CDPF1: variants seen among roughly 807,000 people sequenced by gnomAD.
The protein encoded by CDPF1 is cysteine-rich DPF motif domain-containing protein 1.
In CDPF1, 8 loss-of-function variants were observed where a neutral mutation model predicts 8.3. That is an observed-to-expected ratio of 0.96 (90% CI 0.57 to 1.74). The LOEUF is 1.74. CDPF1 is among the 40% of genes most tolerant of loss of function. The probability of loss-of-function intolerance (pLI) is 0.00; values close to 1 mark genes in which losing one functional copy is unlikely to be tolerated. For synonymous variants in CDPF1, 62 were observed against 62.9 expected, an observed-to-expected ratio of 0.99 and a Z score of 0.07; for missense variants, 151 against 155.3, an observed-to-expected ratio of 0.97 and a Z score of 0.15.
In CDPF1 at chr22:46,249,215, C is replaced by T. The variant is rs963875818; in HGVS notation, c.1-931G>A. 2.0e-5 allele frequency among the ~76,000 whole-genome samples: 3 copies of T among 152,122 alleles called. No individual in the cohort carries two copies. Among genetic ancestry groups the T allele is most frequent in the African/African-American group, 4.8e-5 (2 of 41,408 alleles). The stretch of plus-strand genomic sequence containing the variant: ...ACTATGGAATCAAGTACGACATTAT[C>T]AGCTGGCCCCTAGCTCTTGGCTGTG... On this transcript the variant is annotated intron_variant, in intron 1 of 3. Coordinates refer to ENST00000314567, the MANE Select transcript of CDPF1 (RefSeq NM_207327.5). This position sits in a 1 kb window ranked among gnomAD's most constrained non-coding sequence, Gnocchi z 4.6.
rs1025236257 is a variant in CDPF1, at chr22:46,249,826, G to A, written c.-1+430C>T. Among the ~76,000 whole-genome samples the A allele has an allele frequency of 3.3e-5, 5 of 152,198 alleles. No homozygotes were observed. Among genetic ancestry groups the A allele is most frequent in the Non-Finnish European group, 1.5e-5 (1 of 68,040 alleles). On this transcript the variant is annotated intron_variant, in intron 1 of 3. Coordinates refer to ENST00000314567, the MANE Select transcript of CDPF1 (RefSeq NM_207327.5). This position sits in a 1 kb window ranked among gnomAD's most constrained non-coding sequence, Gnocchi z 4.6. Reference sequence around the variant, plus strand: ...GCCGAGATCGCGCCACTGCATTCCAGCCTGGGCGACAGAGCGAGACTCTGT... The same window carrying A: ...GCCGAGATCGCGCCACTGCATTCCAACCTGGGCGACAGAGCGAGACTCTGT...
At position 46,249,201 on chromosome 22, in the gene CDPF1, A is replaced by C. The variant is rs1936538493; in HGVS notation, c.1-917T>G. ...CAGCTCCTTCTTTGACTATGGAATC[A>C]AGTACGACATTATCAGCTGGCCCCT... On this transcript the variant is annotated intron_variant, in intron 1 of 3. Transcript: ENST00000314567. The surrounding 1 kb of genome is among the most constrained non-coding windows in gnomAD (Gnocchi z 4.6). 1.3e-5 allele frequency among the ~76,000 whole-genome samples: 2 copies of C among 152,270 alleles called. No individual in the cohort carries two copies. The highest frequency in any genetic ancestry group is 4.1e-4 in the South Asian group (2 of 4,820).
Position 46,245,320 on chromosome 22 carries a change from C to A in CDPF1, c.226-82G>T. On this transcript the variant is annotated intron_variant, in intron 3 of 3. Coordinates refer to ENST00000314567, the MANE Select transcript of CDPF1 (RefSeq NM_207327.5). The surrounding 1 kb of genome is among the most constrained non-coding windows in gnomAD (Gnocchi z 6.9). ...CTCCCAGGGGCCAGCCCTTCCCACA[C>A]TTGGGGGGCTGGGCTGGGGCCCCAG... The A allele has an allele frequency of 6.6e-7, 1 of 1,508,040 alleles. No individual in the cohort carries two copies. The highest frequency in any genetic ancestry group is 9.0e-7 in the Non-Finnish European group (1 of 1,108,542). 93.4% of individuals were successfully genotyped at this position (1,508,040 alleles called of 1,614,324 possible). A position where few individuals can be genotyped will look rare whatever the true frequency, so the allele number is the denominator to read the frequency against.
rs9627281 is a variant in CDPF1 at position 46,248,271 on chromosome 22, A to G, written c.14T>C (p.Val5Ala). MASH[V>A]ECRPLGVFEC... ...AAACACTCCCAGAGGACGGCACTCT[A>G]CATGGGACGCCATCTGCAAGATCAA... Residue 5 changes from valine (V) to alanine (A), a missense_variant, in exon 2 of 4, where the codon GTA (valine) becomes GCA (alanine). Coordinates refer to ENST00000314567, the MANE Select transcript of CDPF1 (RefSeq NM_207327.5). This position sits in a 1 kb window ranked among gnomAD's most constrained non-coding sequence, Gnocchi z 4.1. 309,365 of 1,607,566 alleles carry G rather than the reference A, an allele frequency of 0.19. 41,917 individuals carry two copies. The highest frequency in any genetic ancestry group is 0.7 in the African/African-American group (52,127 of 74,760).
chr22:46,249,685 T>C lies in CDPF1; in HGVS notation c.-1+571A>G, dbSNP rs1936546666. On this transcript the variant is annotated intron_variant, in intron 1 of 3. Coordinates refer to ENST00000314567, the MANE Select transcript of CDPF1 (RefSeq NM_207327.5). The surrounding 1 kb of genome is among the most constrained non-coding windows in gnomAD (Gnocchi z 4.6). The stretch of plus-strand genomic sequence containing the variant: ...AATTAAAATTAAATAAAATAAAATA[T>C]TAGCCGGGCGTGGGGGCGGGCGCCT... Among the ~76,000 whole-genome samples the C allele has an allele frequency of 6.8e-6, 1 of 148,094 alleles. No individual in the cohort carries two copies. The highest frequency in any genetic ancestry group is 2.5e-5 in the African/African-American group (1 of 39,728).
rs1936553214 is a variant in CDPF1 at position 46,249,991 on chromosome 22, G to A, written c.-1+265C>T. Among the ~76,000 whole-genome samples, 1 of 152,244 alleles carries A rather than the reference G, an allele frequency of 6.6e-6. No individual in the cohort carries two copies. On this transcript the variant is annotated intron_variant, in intron 1 of 3. Transcript: ENST00000314567. The surrounding 1 kb of genome is among the most constrained non-coding windows in gnomAD (Gnocchi z 4.6). ...ACAGGGACGGCTGAGAGGGTCCGGG[G>A]ATGCTGGTGGTCCCCGCGAGCCTCC... is the stretch of plus-strand genomic sequence containing the variant.
rs868142418 is a variant in CDPF1 at position 46,250,259 on chromosome 22, C to A, written c.-4G>T. ...CACTCTGCCACCTCGAACTCACCGCCGCCCTCGTCCCACGGCTCCGCGTCC... is the reference window on the plus strand; with the variant it reads ...CACTCTGCCACCTCGAACTCACCGCAGCCCTCGTCCCACGGCTCCGCGTCC... On this transcript the variant is annotated 5_prime_UTR_variant, in exon 1 of 4. Coordinates refer to ENST00000314567, the MANE Select transcript of CDPF1 (RefSeq NM_207327.5). 1.3e-5 allele frequency: 2 copies of A among 152,616 alleles called. No homozygotes were observed. The highest frequency in any genetic ancestry group is 4.1e-4 in the South Asian group (2 of 4,830). The allele number at this position is 152,616 out of a possible 1,614,324, so 9.5% of individuals were successfully genotyped here. A position where few individuals can be genotyped will look rare whatever the true frequency, so the allele number is the denominator to read the frequency against.
rs538532245 is a variant in CDPF1 at position 46,245,945 on chromosome 22, C to G, written c.226-707G>C. On this transcript the variant is annotated intron_variant, in intron 3 of 3. Transcript: ENST00000314567. This position sits in a 1 kb window ranked among gnomAD's most constrained non-coding sequence, Gnocchi z 6.9. Reference sequence around the variant, plus strand: ...TGGGATGCAAATATGATGGTGGGAGCTCCACAGCCACAAGGGACCCAAATA... The same window carrying G: ...TGGGATGCAAATATGATGGTGGGAGGTCCACAGCCACAAGGGACCCAAATA... Among the ~76,000 whole-genome samples, 60 of 152,316 alleles carry G rather than the reference C, an allele frequency of 3.9e-4. No homozygotes were observed. Among genetic ancestry groups the G allele is most frequent in the African/African-American group, 1.4e-3 (59 of 41,570 alleles).
In CDPF1 at chr22:46,245,101, A is replaced by G; in HGVS notation, c.363T>C (p.Ser121=). Residue 121 remains serine, a synonymous_variant, in exon 4 of 4, where the codon TCT becomes TCC. Coordinates refer to ENST00000314567, the MANE Select transcript of CDPF1 (RefSeq NM_207327.5). The surrounding 1 kb of genome is among the most constrained non-coding windows in gnomAD (Gnocchi z 6.9). ...CTAGCCCCAGTTGCACTCACGTCCG[A>G]GAACCGGGCTGGCTGGGGGTCCTCT... The part of the protein sequence containing the change: ...PSKRTPSQPG[S]RT 1 of 1,614,206 alleles carries G rather than the reference A, an allele frequency of 6.2e-7. No individual in the cohort carries two copies. Among genetic ancestry groups the G allele is most frequent in the Non-Finnish European group, 8.5e-7 (1 of 1,179,996 alleles).
At position 46,248,120 on chromosome 22, in the gene CDPF1, C is replaced by G; in HGVS notation, c.113+52G>C. ...CAGACCTAGGCACACCACCCACCAACCAGCACTGGGCACAGGCCTCCCCGG... is the reference window on the plus strand; with the variant it reads ...CAGACCTAGGCACACCACCCACCAAGCAGCACTGGGCACAGGCCTCCCCGG... On this transcript the variant is annotated intron_variant, in intron 2 of 3. Coordinates refer to ENST00000314567, the MANE Select transcript of CDPF1 (RefSeq NM_207327.5). This position sits in a 1 kb window ranked among gnomAD's most constrained non-coding sequence, Gnocchi z 4.1. The G allele has an allele frequency of 7.5e-7, 1 of 1,337,882 alleles. No individual in the cohort carries two copies. The highest frequency in any genetic ancestry group is 2.3e-5 in the East Asian group (1 of 42,690). 82.9% of individuals were successfully genotyped at this position (1,337,882 alleles called of 1,614,324 possible).
At position 46,247,898 on chromosome 22, in the gene CDPF1, G is replaced by A. The variant is rs192102870; in HGVS notation, c.113+274C>T. On this transcript the variant is annotated intron_variant, in intron 2 of 3. Transcript: ENST00000314567. The surrounding 1 kb of genome is among the most constrained non-coding windows in gnomAD (Gnocchi z 4.3). ...TCATGGCAAGGGTGCAGCCCCAAAG[G>A]GGGAGGCCACCACAGGTCCCCCAGC... 6.6e-6 allele frequency among the ~76,000 whole-genome samples: 1 copy of A among 152,224 alleles called. No individual in the cohort carries two copies. The highest frequency in any genetic ancestry group is 2.4e-5 in the African/African-American group (1 of 41,454).
chr22:46,245,095 C>T lies in CDPF1; in HGVS notation c.369G>A (p.Thr123=), dbSNP rs202205930. The T allele has an allele frequency of 5.4e-5, 87 of 1,614,108 alleles. No individual in the cohort carries two copies. Among genetic ancestry groups the T allele is most frequent in the Middle Eastern group, 1.6e-4 (1 of 6,062 alleles). The change falls in exon 4 of 4, where the codon ACG becomes ACA. Residue 123 remains threonine, a synonymous_variant. Coordinates refer to ENST00000314567, the MANE Select transcript of CDPF1 (RefSeq NM_207327.5). The surrounding 1 kb of genome is among the most constrained non-coding windows in gnomAD (Gnocchi z 6.9). ...KRTPSQPGSR[T] is the part of the protein sequence containing the mutation. The stretch of plus-strand genomic sequence containing the variant: ...GATGACCTAGCCCCAGTTGCACTCA[C>T]GTCCGAGAACCGGGCTGGCTGGGGG...
chr22:46,247,692 C>T lies in CDPF1; in HGVS notation c.114-471G>A, dbSNP rs1211369943. Reference sequence around the variant, plus strand: ...CTCAGGCTCCTGGTCAGCAGAGGGACGACAGCCAGAAGGAAAAAGCCATGC... The same window carrying T: ...CTCAGGCTCCTGGTCAGCAGAGGGATGACAGCCAGAAGGAAAAAGCCATGC... On this transcript the variant is annotated intron_variant, in intron 2 of 3. Coordinates refer to ENST00000314567, the MANE Select transcript of CDPF1 (RefSeq NM_207327.5). This position sits in a 1 kb window ranked among gnomAD's most constrained non-coding sequence, Gnocchi z 4.3. Among the ~76,000 whole-genome samples, 1 of 152,170 alleles carries T rather than the reference C, an allele frequency of 6.6e-6. No individual in the cohort carries two copies. The highest frequency in any genetic ancestry group is 1.5e-5 in the Non-Finnish European group (1 of 68,038).
chr22:46,247,253 C>T lies in CDPF1; in HGVS notation c.114-32G>A. 1 of 1,470,454 alleles carries T rather than the reference C, an allele frequency of 6.8e-7. No individual in the cohort carries two copies. Among genetic ancestry groups the T allele is most frequent in the Non-Finnish European group, 9.5e-7 (1 of 1,054,832 alleles). The allele number at this position is 1,470,454 out of a possible 1,614,324, so 91.1% of individuals were successfully genotyped here. A position where few individuals can be genotyped will look rare whatever the true frequency, so the allele number is the denominator to read the frequency against. On this transcript the variant is annotated intron_variant, in intron 2 of 3. Transcript: ENST00000314567. This position sits in a 1 kb window ranked among gnomAD's most constrained non-coding sequence, Gnocchi z 4.3. ...GAGAGTGAATGCAGCGTCAGAACAG[C>T]CCAAATCTCTGCCGTCGGAAAATCA...
In CDPF1 at chr22:46,244,902, C is replaced by G; in HGVS notation, c.*190G>C. The G allele has an allele frequency of 1.5e-6, 1 of 674,762 alleles. No homozygotes were observed. Among genetic ancestry groups the G allele is most frequent in the Non-Finnish European group, 2.4e-6 (1 of 408,614 alleles). 41.8% of individuals were successfully genotyped at this position (674,762 alleles called of 1,614,324 possible). A position where few individuals can be genotyped will look rare whatever the true frequency, so the allele number is the denominator to read the frequency against. ...GTCTGGCATCTGCCTTTGGACTACC[C>G]TCTTGCTACAGCTCCCTGGGCCTGT... is the stretch of plus-strand genomic sequence containing the variant. On this transcript the variant is annotated 3_prime_UTR_variant, in exon 4 of 4. Transcript: ENST00000314567. The surrounding 1 kb of genome is among the most constrained non-coding windows in gnomAD (Gnocchi z 6.7).
rs1436375532 is a variant in CDPF1, at chr22:46,249,586, T to C, written c.-1+670A>G. Among the ~76,000 whole-genome samples the C allele has an allele frequency of 6.6e-6, 1 of 151,902 alleles. No individual in the cohort carries two copies. Among genetic ancestry groups the C allele is most frequent in the Non-Finnish European group, 1.5e-5 (1 of 67,986 alleles). ...ATCACTTGAACCTAGGAGGCGGAGATTGCAGTGAGCCGAGATTGTGCCACT... is the reference window on the plus strand; with the variant it reads ...ATCACTTGAACCTAGGAGGCGGAGACTGCAGTGAGCCGAGATTGTGCCACT... On this transcript the variant is annotated intron_variant, in intron 1 of 3. Transcript: ENST00000314567. The surrounding 1 kb of genome is among the most constrained non-coding windows in gnomAD (Gnocchi z 4.6).
Position 46,244,671 on chromosome 22 carries a change from T to A in CDPF1, c.*421A>T, listed in dbSNP as rs1936457213. The A allele has an allele frequency of 5.6e-6, 1 of 178,630 alleles. No homozygotes were observed. The highest frequency in any genetic ancestry group is 5.5e-5 in the Admixed American group (1 of 18,206). The allele number at this position is 178,630 out of a possible 1,614,324, so 11.1% of individuals were successfully genotyped here. A position where few individuals can be genotyped will look rare whatever the true frequency, so the allele number is the denominator to read the frequency against. On this transcript the variant is annotated 3_prime_UTR_variant, in exon 4 of 4. Transcript: ENST00000314567. The surrounding 1 kb of genome is among the most constrained non-coding windows in gnomAD (Gnocchi z 6.7). ...AGGAGCTGCTGTCAGTGATTTTCCT[T>A]ACAGAGAGACCATTGCAGCCACCTA...
Position 46,245,236 on chromosome 22 carries a change from T to C in CDPF1, c.228A>G (p.Glu76=), listed in dbSNP as rs755719523. 2 of 1,613,964 alleles carry C rather than the reference T, an allele frequency of 1.2e-6. No individual in the cohort carries two copies. Among genetic ancestry groups the C allele is most frequent in the Non-Finnish European group, 1.7e-6 (2 of 1,179,856 alleles). ...LCSRLVCVGP[E]CSLFYSKRFC... Reference sequence around the variant, plus strand: ...ATCTCTTGGAGTAGAATAAACTGCATTCCTTAAAGAAGTGGACAAGGATGG... The same window carrying C: ...ATCTCTTGGAGTAGAATAAACTGCACTCCTTAAAGAAGTGGACAAGGATGG... The change falls in exon 4 of 4, where the codon GAA becomes GAG. Residue 76 remains glutamate (E), a splice_region_variant and synonymous_variant. Coordinates refer to ENST00000314567, the MANE Select transcript of CDPF1 (RefSeq NM_207327.5). This position sits in a 1 kb window ranked among gnomAD's most constrained non-coding sequence, Gnocchi z 6.9.
Position 46,245,386 on chromosome 22 carries a change from G to A in CDPF1, c.226-148C>T. ...CAGGTGGCCAGAGCTAGACCAGCAA[G>A]AGGGAGAGCCAGGCCTGAGGGCCTG... On this transcript the variant is annotated intron_variant, in intron 3 of 3. Coordinates refer to ENST00000314567, the MANE Select transcript of CDPF1 (RefSeq NM_207327.5). The surrounding 1 kb of genome is among the most constrained non-coding windows in gnomAD (Gnocchi z 6.9). 1.3e-6 allele frequency: 1 copy of A among 769,744 alleles called. No homozygotes were observed. The highest frequency in any genetic ancestry group is 2.0e-6 in the Non-Finnish European group (1 of 489,018). 47.7% of individuals were successfully genotyped at this position (769,744 alleles called of 1,614,324 possible).
Sources: allele counts gnomAD v4.1 joint callset (sites outside exome capture counted in the v4.1 genomes callset), GRCh38; gene constraint gnomAD v4.1.1; non-coding constraint Gnocchi (gnomAD v3.1); transcripts MANE v1.5; gene names NCBI Gene and HGNC (gene_info 2026-07-23, HGNC 2026-07-21).